The following GDNF variants were observed in gnomAD, a reference collection of about 807,000 sequenced individuals.
GDNF encodes glial cell line-derived neurotrophic factor.
GDNF carries 5 observed loss-of-function variants against 13.7 expected under a neutral mutation model. The observed-to-expected ratio is 0.36, with a 90% confidence interval of 0.19 to 0.77. The LOEUF (loss-of-function observed/expected upper bound fraction) is 0.77. Ranked by LOEUF, GDNF falls within the 30% of genes least tolerant of loss-of-function variation. GDNF has a pLI of 0.51. For synonymous variants in GDNF, 122 were observed against 112.5 expected (o/e 1.08, Z -0.53); for missense variants, 246 against 274.3 (o/e 0.90, Z 0.73).
intron 2 of GDNF, among the ~76,000 whole-genome samples, chr5:37,829,178 T>C (rs778712793): frequency 2.6e-4 from 40 of 152,366 alleles, no homozygotes; most frequent in Non-Finnish European, 4.3e-4. Flanking sequence ...GAGACTGGTC[T>C]GTCCTCCTCT....
chr5:37,834,012 TAC>T (rs1402240352), intron 2 of GDNF, among the ~76,000 whole-genome samples: 1 of 152,250 alleles, frequency 6.6e-6, no homozygotes, highest in East Asian at 1.9e-4. Context: ...TGGAGTGAGC[TAC>T]AGTCTTTGTC....
chr5:37,824,769 T>C (rs1431807354), intron 2 of GDNF, among the ~76,000 whole-genome samples: 2 of 152,210 alleles, frequency 1.3e-5, no homozygotes, highest in Non-Finnish European at 2.9e-5. Context: ...TGCTGTTGGG[T>C]TAACTTTCAG....
intron 2 of GDNF, among the ~76,000 whole-genome samples, chr5:37,818,936 C>G (rs1561127877): frequency 6.6e-6 from 1 of 152,140 alleles, no homozygotes; most frequent in Admixed American, 6.5e-5. Flanking sequence ...GCGCCTCCCC[C>G]TCCACCATAA....
At chr5:37,823,862 A>G (rs1750221978) in intron 2 of GDNF, 1 of 157,648 alleles carries the variant, frequency 6.3e-6, no homozygotes, top group Admixed American at 6.5e-5. Context: ...GTGGCCAGAC[A>G]CGGGTTTTTC....
intron 2 of GDNF, among the ~76,000 whole-genome samples, chr5:37,829,691 C>T (rs1750451430): frequency 6.6e-6 from 1 of 152,180 alleles, no homozygotes; most frequent in Admixed American, 6.5e-5. Context: ...GGGAAAATAT[C>T]AGGGAGCTTT....
chr5:37,827,265 C>T (rs1049416400), intron 2 of GDNF, among the ~76,000 whole-genome samples: 3 of 150,236 alleles, frequency 2.0e-5, no homozygotes, highest in Non-Finnish European at 4.4e-5. Flanking sequence ...GACATATGAA[C>T]ACAGACTATC....
At position 37,815,210 on chromosome 5, in the gene GDNF, C is replaced by T. The variant is rs567404383; in HGVS notation, c.*441G>A. ...TAAAACGTAATAACAAGGAACAACA[C>T]CAGGATCTCTGTTTCCCTGGTGTCT... is the stretch of plus-strand genomic sequence containing the variant. On this transcript the variant is annotated 3_prime_UTR_variant, in exon 3 of 3. Coordinates refer to ENST00000326524, the MANE Select transcript of GDNF (RefSeq NM_000514.4). The surrounding 1 kb of genome is among the most constrained non-coding windows in gnomAD (Gnocchi z 5.0). The T allele has an allele frequency of 1.9e-5, 4 of 206,650 alleles. No homozygotes were observed. The South Asian group carries it at 3.7e-4, about 19-fold the overall frequency. 12.8% of individuals were successfully genotyped at this position (206,650 alleles called of 1,614,324 possible).
rs1359745181 is a variant in GDNF, at chr5:37,838,173, G to C, written c.-27+1334C>G. On this transcript the variant is annotated intron_variant, in intron 1 of 2. Transcript: ENST00000326524. This position sits in a 1 kb window ranked among gnomAD's most constrained non-coding sequence, Gnocchi z 4.1. Reference sequence around the variant, plus strand: ...AAAAGAATTTGGGACACTTCTCGCAGGCAAACTGGGAAAGCGGTCTGTTTA... The same window carrying C: ...AAAAGAATTTGGGACACTTCTCGCACGCAAACTGGGAAAGCGGTCTGTTTA... Among the ~76,000 whole-genome samples, 1 of 152,148 alleles carries C rather than the reference G, an allele frequency of 6.6e-6. No homozygotes were observed. The highest frequency in any genetic ancestry group is 2.4e-5 in the African/African-American group (1 of 41,408).
chr5:37,833,060 C>A (rs1364817522), intron 2 of GDNF, among the ~76,000 whole-genome samples: 3 of 152,196 alleles, frequency 2.0e-5, no homozygotes, highest in Admixed American at 2.0e-4. Flanking sequence ...GAAAGCAGAG[C>A]CAGGAGCCTG....
chr5:37,827,431 G>A (rs776143575), intron 2 of GDNF, among the ~76,000 whole-genome samples: 2 of 152,136 alleles, frequency 1.3e-5, no homozygotes, highest in African/African-American at 4.8e-5. Context: ...AGAAAAAAAC[G>A]AGGCAAAATG....
chr5:37,834,563 T>G, intron 2 of GDNF, 83 bp downstream of exon 2: 2 of 1,221,590 alleles, frequency 1.6e-6, no homozygotes, highest in Non-Finnish European at 2.2e-6. Flanking sequence ...CAGGCTGGCT[T>G]GGGGTACGTG....
chr5:37,834,291 A>G (rs1444228296), intron 2 of GDNF, among the ~76,000 whole-genome samples: 1 of 152,234 alleles, frequency 6.6e-6, no homozygotes, highest in Non-Finnish European at 1.5e-5. Flanking sequence ...GGAAGCAAAG[A>G]AAAACTGGGA....
rs1179749931 is a variant in GDNF, at chr5:37,837,813, C to T, written c.-27+1694G>A. Among the ~76,000 whole-genome samples the T allele has an allele frequency of 1.3e-5, 2 of 152,114 alleles. No homozygotes were observed. Among genetic ancestry groups the T allele is most frequent in the Non-Finnish European group, 2.9e-5 (2 of 68,036 alleles). ...GGCAACCTGCTTTCAGACCATCCCT[C>T]ACCCCTTCCACGCGTCACCGTGACA... On this transcript the variant is annotated intron_variant, in intron 1 of 2. Coordinates refer to ENST00000326524, the MANE Select transcript of GDNF (RefSeq NM_000514.4). This position sits in a 1 kb window ranked among gnomAD's most constrained non-coding sequence, Gnocchi z 6.5.
At chr5:37,822,399 G>A (rs1164789142) in intron 2 of GDNF, among the ~76,000 whole-genome samples, 1 of 152,230 alleles carries the variant, frequency 6.6e-6, no homozygotes, top group African/African-American at 2.4e-5. Flanking sequence ...GGGACCCATA[G>A]GGGTGAGCTG....
chr5:37,833,154 A>G (rs1750578828), intron 2 of GDNF, among the ~76,000 whole-genome samples: 1 of 152,222 alleles, frequency 6.6e-6, no homozygotes, highest in Admixed American at 6.5e-5. Flanking sequence ...GTAATCAGGC[A>G]CAGTCATTTT....
At chr5:37,821,668 C>G (rs534173334) in intron 2 of GDNF, among the ~76,000 whole-genome samples, 1 of 152,048 alleles carries the variant, frequency 6.6e-6, no homozygotes, top group Non-Finnish European at 1.5e-5. Flanking sequence ...GAAATGAAAC[C>G]TTGTACCGGG....
chr5:37,815,906 G>T lies in GDNF; in HGVS notation c.381C>A (p.Val127=). Residue 127 remains valine (V), a synonymous_variant, in exon 3 of 3, where the codon GTC becomes GTA. Transcript: ENST00000326524. This position sits in a 1 kb window ranked among gnomAD's most constrained non-coding sequence, Gnocchi z 5.0. ...GCVLTAIHLN[V]TDLGLGYETK... ...TTTCATAGCCCAGACCCAAGTCAGT[G>T]ACATTTAAATGTATTGCAGTTAAGA... is the stretch of plus-strand genomic sequence containing the variant. 2.5e-6 allele frequency: 4 copies of T among 1,614,110 alleles called. No homozygotes were observed. The highest frequency in any genetic ancestry group is 2.5e-6 in the Non-Finnish European group (3 of 1,180,024).
At chr5:37,821,929 C>T (rs183715555) in intron 2 of GDNF, among the ~76,000 whole-genome samples, 5 of 152,256 alleles carry the variant, frequency 3.3e-5, no homozygotes, top group East Asian at 3.9e-4. Context: ...TCGTAAAATG[C>T]CAGATTTGTC....
At chr5:37,835,207 C>A (rs886939944) in intron 1 of GDNF, among the ~76,000 whole-genome samples, 2 of 152,000 alleles carry the variant, frequency 1.3e-5, no homozygotes, top group African/African-American at 4.8e-5. Flanking sequence ...TAGTTCCCAC[C>A]CTTCGTCCTC....
Sources: allele counts gnomAD v4.1 joint callset (sites outside exome capture counted in the v4.1 genomes callset), GRCh38; gene constraint gnomAD v4.1.1; non-coding constraint Gnocchi (gnomAD v3.1); transcripts MANE v1.5; gene names NCBI Gene and HGNC (gene_info 2026-07-23, HGNC 2026-07-21).